The following DLEC1 variants were observed in gnomAD, a reference collection of about 807,000 sequenced individuals.
DLEC1 encodes DLEC1 cilia and flagella associated protein, also known as deleted in lung and esophageal cancer protein 1.
A neutral mutation model predicts 198.1 loss-of-function variants in DLEC1; 146 were observed. The observed-to-expected ratio is 0.74, with a 90% CI of 0.64 to 0.85. DLEC1 has a LOEUF of 0.85. Among genes scored for constraint, DLEC1 ranks in the 40% least tolerant of loss-of-function variants. The probability of loss-of-function intolerance (pLI) is 0.00; values close to 1 mark genes in which losing one functional copy is unlikely to be tolerated. For missense variants in DLEC1, 2,233 were observed against 2,220.0 expected (o/e 1.01, Z -0.12); for synonymous variants, 897 against 866.8 (o/e 1.03, Z -0.61).
At chr3:38,113,284 C>T (rs1699982383) in intron 25 of DLEC1, among the ~76,000 whole-genome samples, 1 of 152,184 alleles carries the variant, frequency 6.6e-6, no homozygotes, top group Non-Finnish European at 1.5e-5. Flanking sequence ...CTTTGAGCCC[C>T]CTTCTCCACG....
At position 38,092,773 on chromosome 3, in the gene DLEC1, AC is replaced by A. The variant is rs1698807651; in HGVS notation, c.1666-14del. 6.2e-7 allele frequency: 1 copy of A among 1,611,500 alleles called. No homozygotes were observed. Among genetic ancestry groups the A allele is most frequent in the Admixed American group, 1.7e-5 (1 of 59,962 alleles). On this transcript the variant is annotated splice_polypyrimidine_tract_variant and intron_variant, in intron 10 of 36. Transcript: ENST00000308059. Reference sequence around the variant, plus strand: ...CCCTTTAATGGGAGGTAACGGAACAACCCTTCTCTCCCCCAGGTCTTGTTTT... The same window carrying A: ...CCCTTTAATGGGAGGTAACGGAACAACCTTCTCTCCCCCAGGTCTTGTTTT...
intron 9 of DLEC1, 28 bp from the exon 10 acceptor site, chr3:38,088,268 A>G (rs367957693): frequency 1.4e-5 from 23 of 1,596,486 alleles, no homozygotes; most frequent in Non-Finnish European, 1.9e-5. Context: ...TGTCTTCCAC[A>G]CTGTTGGGTA....
intron 10 of DLEC1, among the ~76,000 whole-genome samples, chr3:38,092,364 T>C (rs1284684781): frequency 6.6e-6 from 1 of 152,174 alleles, no homozygotes; most frequent in Non-Finnish European, 1.5e-5. Context: ...GAGAATAGAA[T>C]GGTGATTACC....
At position 38,097,532 on chromosome 3, in the gene DLEC1, G is replaced by C; in HGVS notation, c.2460G>C (p.Glu820Asp). 1 of 1,614,178 alleles carries C rather than the reference G, an allele frequency of 6.2e-7. No individual in the cohort carries two copies. The change falls in exon 17 of 37, where the codon GAG (glutamate) becomes GAC (aspartate). Residue 820 changes from glutamate (E) to aspartate (D), a missense_variant. Transcript: ENST00000308059. ...VIEPSEVGDF[E>D]LNFTGGVPGP... ...AGCCCAGTGAGGTCGGGGATTTTGA[G>C]TTGAACTTTACTGGGGGTGTCCCTG...
intron 12 of DLEC1, 25 bp from the exon 13 acceptor site, chr3:38,094,854 G>A: frequency 6.2e-7 from 1 of 1,610,104 alleles, no homozygotes. Flanking sequence ...ACTGGGACAT[G>A]GCCTTGGATG....
chr3:38,087,309 A>T (rs1698511590), intron 9 of DLEC1, among the ~76,000 whole-genome samples: 2 of 148,434 alleles, frequency 1.3e-5, no homozygotes, highest in African/African-American at 4.9e-5. Flanking sequence ...ACCATCCATC[A>T]GCACTGACAC....
intron 19 of DLEC1, among the ~76,000 whole-genome samples, chr3:38,105,799 G>A (rs1054753232): frequency 7.3e-5 from 11 of 151,432 alleles, no homozygotes; most frequent in East Asian, 1.9e-4. Flanking sequence ...TTCATCTCCC[G>A]TTTTGCTATT....
At chr3:38,072,267 T>C (rs1489703320) in intron 6 of DLEC1, among the ~76,000 whole-genome samples, 1 of 151,964 alleles carries the variant, frequency 6.6e-6, no homozygotes, top group East Asian at 1.9e-4. Flanking sequence ...ATGCGTCAGG[T>C]GTGAGGAAGA....
intron 5 of DLEC1, 35 bp downstream of exon 5, chr3:38,062,836 C>T (rs754618563): frequency 2.5e-6 from 4 of 1,606,214 alleles, no homozygotes; most frequent in Non-Finnish European, 3.4e-6. Flanking sequence ...CTCAGAAAAC[C>T]TGGCCCATGA....
At position 38,112,378 on chromosome 3, in the gene DLEC1, G is replaced by C; in HGVS notation, c.3666+17G>C. 1 of 1,613,174 alleles carries C rather than the reference G, an allele frequency of 6.2e-7. No individual in the cohort carries two copies. Among genetic ancestry groups the C allele is most frequent in the Non-Finnish European group, 8.5e-7 (1 of 1,179,288 alleles). On this transcript the variant is annotated intron_variant, in intron 25 of 36. Transcript: ENST00000308059. This position sits in a 1 kb window ranked among gnomAD's most constrained non-coding sequence, Gnocchi z 4.8. Reference sequence around the variant, plus strand: ...ATCTGCACGGTAAGGGTACACAAGAGGGCAGTGGCCTGGGGGGTGGAGAGT... The same window carrying C: ...ATCTGCACGGTAAGGGTACACAAGACGGCAGTGGCCTGGGGGGTGGAGAGT...
At position 38,092,833 on chromosome 3, in the gene DLEC1, T is replaced by G; in HGVS notation, c.1709T>G (p.Phe570Cys). Reference sequence around the variant, plus strand: ...AGCCTAGGAAAGGCAGAGCAGACCTTCATCATCATGTGCGACAACTGCCAG... The same window carrying G: ...AGCCTAGGAAAGGCAGAGCAGACCTGCATCATCATGTGCGACAACTGCCAG... ...PKSLGKAEQT[F>C]IIMCDNCQIK... The change falls in exon 11 of 37, where the codon TTC becomes TGC. Residue 570 changes from phenylalanine (F) to cysteine (C), a missense_variant. Physicochemically the swap from Phe to Cys is radical, Grantham distance 205. Transcript: ENST00000308059. 6.2e-7 allele frequency: 1 copy of G among 1,613,648 alleles called. No individual in the cohort carries two copies. The highest frequency in any genetic ancestry group is 2.2e-5 in the East Asian group (1 of 44,874).
At position 38,082,125 on chromosome 3, in the gene DLEC1, G is replaced by A. The variant is rs534204708; in HGVS notation, c.1174-2033G>A. ...CTCCTCACCTCCCAGACGGGGTCTCGGCCAGGCAGAGGCGCTCCTCACATC... is the reference window on the plus strand; with the variant it reads ...CTCCTCACCTCCCAGACGGGGTCTCAGCCAGGCAGAGGCGCTCCTCACATC... On this transcript the variant is annotated intron_variant, in intron 6 of 36. Transcript: ENST00000308059. Among the ~76,000 whole-genome samples the A allele has an allele frequency of 5.0e-3, 748 of 148,858 alleles. 2 individuals carry two copies. The highest frequency in any genetic ancestry group is 0.018 in the African/African-American group (706 of 40,028).
In DLEC1 at chr3:38,098,019, C is replaced by G. The variant is rs187614760; in HGVS notation, c.2724+117C>G. ...AGCTTCGAGGCTGGTGGAGGAAAAG[C>G]CTGCCTGGTGACTTCGGCCTGGCGG... On this transcript the variant is annotated intron_variant, in intron 18 of 36. Coordinates refer to ENST00000308059, the MANE Select transcript of DLEC1 (RefSeq NM_007335.4). 4.4e-6 allele frequency: 6 copies of G among 1,373,328 alleles called. No homozygotes were observed. In the East Asian group the frequency reaches 1.4e-4, roughly 33 times the overall value. 85.1% of individuals were successfully genotyped at this position (1,373,328 alleles called of 1,614,324 possible).
At chr3:38,072,626 T>C (rs962184367) in intron 6 of DLEC1, among the ~76,000 whole-genome samples, 3 of 152,180 alleles carry the variant, frequency 2.0e-5, no homozygotes, top group African/African-American at 7.2e-5. Context: ...GGTTTCCTTT[T>C]GTGAGTTTAT....
At position 38,097,531 on chromosome 3, in the gene DLEC1, A is replaced by C. The variant is rs572547570; in HGVS notation, c.2459A>C (p.Glu820Ala). Residue 820 changes from glutamate to alanine, a missense_variant, in exon 17 of 37, where the codon GAG (glutamate) becomes GCG (alanine). Glu to Ala is a moderately radical substitution (Grantham distance 107). Coordinates refer to ENST00000308059, the MANE Select transcript of DLEC1 (RefSeq NM_007335.4). ...GAGCCCAGTGAGGTCGGGGATTTTG[A>C]GTTGAACTTTACTGGGGGTGTCCCT... Reference protein sequence around the residue: ...VIEPSEVGDFELNFTGGVPGP... With the variant: ...VIEPSEVGDFALNFTGGVPGP... The C allele has an allele frequency of 9.3e-6, 15 of 1,613,928 alleles. No individual in the cohort carries two copies. The highest frequency in any genetic ancestry group is 1.0e-5 in the Non-Finnish European group (12 of 1,180,012).
chr3:38,046,395 A>G (rs574503784), intron 2 of DLEC1, among the ~76,000 whole-genome samples: 3 of 152,208 alleles, frequency 2.0e-5, no homozygotes, highest in Admixed American at 6.5e-5. Flanking sequence ...TGCTATTCTC[A>G]TGATAGTGAG....
chr3:38,089,538 G>T (rs533705264), intron 10 of DLEC1, among the ~76,000 whole-genome samples: 1 of 152,294 alleles, frequency 6.6e-6, no homozygotes, highest in South Asian at 2.1e-4. Context: ...CAGTTCAGGG[G>T]CTTTGTCAGG....
chr3:38,048,157 A>G (rs1287047826), intron 2 of DLEC1, among the ~76,000 whole-genome samples: 2 of 152,196 alleles, frequency 1.3e-5, no homozygotes, highest in African/African-American at 4.8e-5. Flanking sequence ...GCTGTCTTTG[A>G]TAACTTCCTT....
chr3:38,118,738 C>T (rs775205902), intron 33 of DLEC1, among the ~76,000 whole-genome samples: 6 of 152,092 alleles, frequency 3.9e-5, no homozygotes, highest in Non-Finnish European at 5.9e-5. Flanking sequence ...TTCTTCTTCT[C>T]GGAGGGCTTC....
Sources: gnomAD v4.1 joint callset for allele counts (sites outside exome capture counted in the v4.1 genomes callset) on GRCh38, gnomAD v4.1.1 for gene constraint, Gnocchi (gnomAD v3.1) non-coding constraint, MANE v1.5 for transcripts, NCBI Gene and HGNC (gene_info 2026-07-23, HGNC 2026-07-21) for gene names.